Variants in CNTN4 observed in about 807,000 individuals in gnomAD.
CNTN4 encodes the protein contactin-4.
A neutral mutation model predicts 122.5 loss-of-function variants in CNTN4; 77 were observed. That is an observed-to-expected ratio of 0.63 (90% CI 0.52 to 0.76). The LOEUF (loss-of-function observed/expected upper bound fraction) is 0.76. Ranked by LOEUF, CNTN4 falls within the 30% of genes least tolerant of loss-of-function variation. The pLI, the probability that CNTN4 is intolerant of heterozygous loss-of-function variation, is 0.00. For missense variants in CNTN4, 1,256 were observed against 1,259.1 expected, an observed-to-expected ratio of 1.00 and a Z score of 0.04; for synonymous variants, 512 against 447.0, an observed-to-expected ratio of 1.15 and a Z score of -1.83.
intron 9 of CNTN4, among the ~76,000 whole-genome samples, chr3:2,884,983 C>G (rs2093954217): frequency 6.6e-6 from 1 of 152,184 alleles, no homozygotes; most frequent in Non-Finnish European, 1.5e-5. Flanking sequence ...GTGCATATCT[C>G]ATCAGTATAA....
intron 4 of CNTN4, among the ~76,000 whole-genome samples, chr3:2,576,424 T>A (rs1041817355): frequency 6.6e-6 from 1 of 152,244 alleles, no homozygotes; most frequent in African/African-American, 2.4e-5. Flanking sequence ...AATCCATACA[T>A]GTTTTTCAAA....
At chr3:2,985,283 A>T (rs931814895) in intron 13 of CNTN4, 1 of 152,404 alleles carries the variant, frequency 6.6e-6, no homozygotes, top group African/African-American at 2.4e-5. Flanking sequence ...TTAGGCTGCT[A>T]TGTAAGAACA....
intron 4 of CNTN4, among the ~76,000 whole-genome samples, chr3:2,581,379 A>G (rs1420589232): frequency 2.6e-5 from 4 of 152,178 alleles, no homozygotes; most frequent in African/African-American, 9.7e-5. Context: ...TGAGAACCAC[A>G]TTAAGCACTC....
At chr3:2,396,731 C>T (rs188116900) in intron 3 of CNTN4, among the ~76,000 whole-genome samples, 1 of 150,624 alleles carries the variant, frequency 6.6e-6, no homozygotes, top group South Asian at 2.1e-4. Flanking sequence ...TATGAAAGAA[C>T]TAGTCAAAGT....
intron 6 of CNTN4, among the ~76,000 whole-genome samples, chr3:2,805,036 G>C (rs1463611632): frequency 1.3e-5 from 2 of 152,104 alleles, no homozygotes; most frequent in Non-Finnish European, 2.9e-5. Context: ...AATTTGCCGG[G>C]CATGGTGGCA....
At chr3:2,259,186 C>G (rs1421661772) in intron 2 of CNTN4, among the ~76,000 whole-genome samples, 3 of 151,898 alleles carry the variant, frequency 2.0e-5, no homozygotes, top group Non-Finnish European at 4.4e-5. Flanking sequence ...TGCTTTTGCT[C>G]ATAAGCCTAG....
At chr3:2,242,267 C>T (rs1277051120) in intron 2 of CNTN4, among the ~76,000 whole-genome samples, 1 of 151,990 alleles carries the variant, frequency 6.6e-6, no homozygotes, top group South Asian at 2.1e-4. Flanking sequence ...ACCATAATGG[C>T]CACTACCATG....
At chr3:2,308,809 T>C (rs1243126351) in intron 2 of CNTN4, among the ~76,000 whole-genome samples, 1 of 152,080 alleles carries the variant, frequency 6.6e-6, no homozygotes. Flanking sequence ...TTTTATATTA[T>C]TTATAAAACC....
intron 17 of CNTN4, among the ~76,000 whole-genome samples, chr3:3,035,583 G>T (rs761112513): frequency 1.4e-4 from 22 of 152,012 alleles, no homozygotes; most frequent in Non-Finnish European, 2.9e-4. Context: ...TTGAGACAGG[G>T]TCTCACTCTG....
intron 4 of CNTN4, among the ~76,000 whole-genome samples, chr3:2,578,806 T>A (rs2079808722): frequency 6.6e-6 from 1 of 152,118 alleles, no homozygotes; most frequent in South Asian, 2.1e-4. Context: ...ATGAAGCCCA[T>A]GTGGTAGAAA....
chr3:2,902,686 C>T (rs1309452375), intron 11 of CNTN4, among the ~76,000 whole-genome samples, 190 bp from the exon 12 acceptor site: 2 of 152,174 alleles, frequency 1.3e-5, no homozygotes, highest in Admixed American at 6.5e-5. Context: ...AACTGATGTA[C>T]TGGTTGTTCC....
At chr3:2,966,399 C>T (rs1264917414) in intron 13 of CNTN4, among the ~76,000 whole-genome samples, 3 of 151,930 alleles carry the variant, frequency 2.0e-5, no homozygotes, top group Non-Finnish European at 4.4e-5. Context: ...AAATTTTGCA[C>T]GTTCTCACCC....
intron 3 of CNTN4, among the ~76,000 whole-genome samples, chr3:2,551,818 G>A (rs115950386): frequency 5.3e-5 from 8 of 151,998 alleles, no homozygotes; most frequent in South Asian, 2.1e-4. Flanking sequence ...GGAATTCCTC[G>A]ATTGCAATGG....
At chr3:3,054,035 A>T in intron 24 of CNTN4, 60 bp downstream of exon 24, 1 of 1,559,408 alleles carries the variant, frequency 6.4e-7, no homozygotes, top group Non-Finnish European at 8.8e-7. Context: ...AGCCTTCCAG[A>T]TGAGTCAGGG....
chr3:2,131,921 G>A (rs923407079), intron 2 of CNTN4, among the ~76,000 whole-genome samples: 7 of 152,110 alleles, frequency 4.6e-5, no homozygotes, highest in Non-Finnish European at 1.0e-4. Flanking sequence ...TGGGCATTGT[G>A]TTAGCTAAGA....
At chr3:2,813,134 A>G (rs573343446) in intron 6 of CNTN4, among the ~76,000 whole-genome samples, 9 of 152,238 alleles carry the variant, frequency 5.9e-5, no homozygotes, top group Non-Finnish European at 1.2e-4. Context: ...GCAGAGAGTC[A>G]AGACATAACT....
intron 6 of CNTN4, among the ~76,000 whole-genome samples, chr3:2,772,365 G>A (rs1355790267): frequency 1.5e-5 from 2 of 133,538 alleles, no homozygotes. Flanking sequence ...TGGTGAAATC[G>A]TCAAGGTTCG....
chr3:2,179,575 G>A (rs549784938), intron 2 of CNTN4, among the ~76,000 whole-genome samples: 32 of 151,978 alleles, frequency 2.1e-4, no homozygotes, highest in African/African-American at 7.7e-4. Flanking sequence ...GTCCAACACC[G>A]CCATTAGCAA....
intron 3 of CNTN4, among the ~76,000 whole-genome samples, chr3:2,355,748 C>G (rs1376212568): frequency 6.6e-6 from 1 of 152,156 alleles, no homozygotes; most frequent in Non-Finnish European, 1.5e-5. Context: ...CCAGAGATTC[C>G]ACAGTGAGAA....
Sources: gnomAD v4.1 joint callset for allele counts (sites outside exome capture counted in the v4.1 genomes callset) on GRCh38, gnomAD v4.1.1 for gene constraint, MANE v1.5 for transcripts, NCBI Gene and HGNC (gene_info 2026-07-23, HGNC 2026-07-21) for gene names.